XIRP1: variants seen among roughly 807,000 people sequenced by gnomAD.
The protein encoded by XIRP1 is xin actin binding repeat containing 1, also known as xin actin-binding repeat-containing protein 1.
For missense variants in XIRP1, 2,378 were observed against 2,345.4 expected, an observed-to-expected ratio of 1.01 and a Z score of -0.29; for synonymous variants, 984 against 947.0, an observed-to-expected ratio of 1.04 and a Z score of -0.72.
At position 39,186,918 on chromosome 3, in the gene XIRP1, T is replaced by C. The variant is rs1471768163; in HGVS notation, c.2528A>G (p.Gln843Arg). The C allele has an allele frequency of 6.2e-7, 1 of 1,614,022 alleles. No individual in the cohort carries two copies. Among genetic ancestry groups the C allele is most frequent in the Non-Finnish European group, 8.5e-7 (1 of 1,179,922 alleles). The change falls in exon 2 of 2, where the codon CAG becomes CGG. Residue 843 changes from glutamine to arginine, a missense_variant. Physicochemically the swap from Gln to Arg is conservative, Grantham distance 43 (BLOSUM62 1). Transcript: ENST00000340369. ...TGGGTCTTCCTGCACCAGCAGCCCCTGCTGGTCCACATCTGGCCGGCGCAG... is the reference window on the plus strand; with the variant it reads ...TGGGTCTTCCTGCACCAGCAGCCCCCGCTGGTCCACATCTGGCCGGCGCAG... ...QVLRRPDVDQQGLLVQEDPTG... is the reference protein window; with the variant it reads ...QVLRRPDVDQRGLLVQEDPTG...
intron 1 of XIRP1, 86 bp from the exon 2 acceptor site, chr3:39,189,611 G>C: frequency 9.2e-7 from 1 of 1,089,122 alleles, no homozygotes. Flanking sequence ...CTCTCTATGT[G>C]CCTGGCCTGG....
In XIRP1 at chr3:39,186,410, G is replaced by A. The variant is rs1327619309; in HGVS notation, c.3036C>T (p.Ala1012=). The change falls in exon 2 of 2, where the codon GCC becomes GCT. Residue 1012 remains alanine (A), a synonymous_variant. Coordinates refer to ENST00000340369, the MANE Select transcript of XIRP1 (RefSeq NM_194293.4). ...VPLAGEAAAP[A]QLQNTEKQED... ...CCTGCTTTTCTGTGTTTTGCAATTG[G>A]GCTGGTGCTGCAGCTTCCCCAGCCA... The A allele has an allele frequency of 1.2e-6, 2 of 1,614,052 alleles. No individual in the cohort carries two copies. The highest frequency in any genetic ancestry group is 2.7e-5 in the African/African-American group (2 of 74,932).
At position 39,187,388 on chromosome 3, in the gene XIRP1, C is replaced by T; in HGVS notation, c.2058G>A (p.Val686=). The T allele has an allele frequency of 6.2e-7, 1 of 1,614,164 alleles. No individual in the cohort carries two copies. The highest frequency in any genetic ancestry group is 8.5e-7 in the Non-Finnish European group (1 of 1,180,014). The part of the protein sequence containing the change: ...GRRPVRYCSR[V]EIPSGQVSRQ... The stretch of plus-strand genomic sequence containing the variant: ...GAGACACCTGCCCTGAAGGGATCTC[C>T]ACGCGGCTGCAGTATCTCACAGGCC... The change falls in exon 2 of 2, where the codon GTG becomes GTA. Residue 686 remains valine, a synonymous_variant. Coordinates refer to ENST00000340369, the MANE Select transcript of XIRP1 (RefSeq NM_194293.4).
In XIRP1 at chr3:39,185,229, G is replaced by A. The variant is rs142466469; in HGVS notation, c.4217C>T (p.Thr1406Met). ...QPSLQHGLST[T>M]APRPTKNQAT... is the part of the protein sequence containing the mutation. ...CTGATTCTTGGTGGGCCTGGGGGCC[G>A]TGGTGCTGAGGCCATGTTGTAAGCT... The change falls in exon 2 of 2, where the codon ACG becomes ATG. Residue 1406 changes from threonine to methionine, a missense_variant. Transcript: ENST00000340369. 1.0e-4 allele frequency: 163 copies of A among 1,614,156 alleles called. 3 individuals are homozygous for A. Among genetic ancestry groups the A allele is most frequent in the African/African-American group, 4.4e-4 (33 of 75,050 alleles).
In XIRP1 at chr3:39,186,879, T is replaced by C. The variant is rs751104961; in HGVS notation, c.2567A>G (p.Gln856Arg). Reference protein sequence around the residue: ...LVQEDPTGQLQLKPLRLPTPG... With the variant: ...LVQEDPTGQLRLKPLRLPTPG... Reference sequence around the variant, plus strand: ...AGTTGGCAGCCTCAGCGGCTTGAGTTGGAGCTGGCCAGTTGGGTCTTCCTG... The same window carrying C: ...AGTTGGCAGCCTCAGCGGCTTGAGTCGGAGCTGGCCAGTTGGGTCTTCCTG... Residue 856 changes from glutamine to arginine, a missense_variant, in exon 2 of 2, where the codon CAA (glutamine) becomes CGA (arginine). Coordinates refer to ENST00000340369, the MANE Select transcript of XIRP1 (RefSeq NM_194293.4). The C allele has an allele frequency of 1.3e-5, 21 of 1,613,788 alleles. No homozygotes were observed. The East Asian group carries it at 3.1e-4, about 24-fold the overall frequency.
At position 39,187,103 on chromosome 3, in the gene XIRP1, T is replaced by G; in HGVS notation, c.2343A>C (p.Thr781=). 1 of 1,613,590 alleles carries G rather than the reference T, an allele frequency of 6.2e-7. No individual in the cohort carries two copies. Among genetic ancestry groups the G allele is most frequent in the South Asian group, 1.1e-5 (1 of 91,076 alleles). Residue 781 remains threonine, a synonymous_variant, in exon 2 of 2, where the codon ACA becomes ACC. Transcript: ENST00000340369. ...TGCCTCCATGGTGCAGGATGCCAGG[T>G]GTGGCATGCAGAGTCCGCAGGGTCC... is the stretch of plus-strand genomic sequence containing the variant. ...AEGTLRTLHA[T]PGILHHGGIL... is the part of the protein sequence containing the mutation.
rs1368022502 is a variant in XIRP1 at position 39,184,517 on chromosome 3, G to T, written c.4929C>A (p.Ser1643=). The T allele has an allele frequency of 1.2e-6, 2 of 1,613,822 alleles. No individual in the cohort carries two copies. The highest frequency in any genetic ancestry group is 1.7e-6 in the Non-Finnish European group (2 of 1,180,044). Residue 1643 remains serine (S), a synonymous_variant, in exon 2 of 2, where the codon TCC becomes TCA. Coordinates refer to ENST00000340369, the MANE Select transcript of XIRP1 (RefSeq NM_194293.4). ...CTCTTGATGTCTCCTGCCTCCTGGT[G>T]GAAGGGGCAGTTGAGGCTGTGTGAC... ...ARGHTASTAP[S]TRRQETSREY...
rs778850551 is a variant in XIRP1 at position 39,189,089 on chromosome 3, C to G, written c.357G>C (p.Leu119=). 3 of 1,614,088 alleles carry G rather than the reference C, an allele frequency of 1.9e-6. No homozygotes were observed. In the African/African-American group the frequency reaches 4.0e-5, roughly 22 times the overall value. ...HERPAAKEPV[L]CGDVQATSRK... is the part of the protein sequence containing the mutation. ...GGGAGGTGGCCTGGACGTCACCACA[C>G]AGCACGGGCTCCTTGGCAGCTGGCC... Residue 119 remains leucine (L), a synonymous_variant, in exon 2 of 2, where the codon CTG becomes CTC. Transcript: ENST00000340369.
chr3:39,189,083 A>T lies in XIRP1; in HGVS notation c.363T>A (p.Gly121=). The T allele has an allele frequency of 6.2e-7, 1 of 1,614,120 alleles. No homozygotes were observed. Among genetic ancestry groups the T allele is most frequent in the African/African-American group, 1.3e-5 (1 of 75,042 alleles). The change falls in exon 2 of 2, where the codon GGT becomes GGA. Residue 121 remains glycine (G), a synonymous_variant. Transcript: ENST00000340369. ...RPAAKEPVLC[G]DVQATSRKFE... is the part of the protein sequence containing the mutation. ...ACTTGCGGGAGGTGGCCTGGACGTC[A>T]CCACACAGCACGGGCTCCTTGGCAG...
Position 39,183,818 on chromosome 3 carries a change from G to C in XIRP1, c.*96C>G. 1.4e-6 allele frequency: 2 copies of C among 1,456,760 alleles called. No homozygotes were observed. The highest frequency in any genetic ancestry group is 1.8e-6 in the Non-Finnish European group (2 of 1,104,718). 90.2% of individuals were successfully genotyped at this position (1,456,760 alleles called of 1,614,324 possible). ...CCTCTGAAGATGCCATTTCCTCTTG[G>C]TCCTTGCTCCAGTGTACAGGAGGCA... On this transcript the variant is annotated 3_prime_UTR_variant, in exon 2 of 2. Transcript: ENST00000340369.
In XIRP1 at chr3:39,183,736, AT is replaced by A; in HGVS notation, c.*177del. 4 of 1,115,360 alleles carry A rather than the reference AT, an allele frequency of 3.6e-6. No individual in the cohort carries two copies. The South Asian group carries it at 5.1e-5, about 14-fold the overall frequency. 69.1% of individuals were successfully genotyped at this position (1,115,360 alleles called of 1,614,324 possible). A position where few individuals can be genotyped will look rare whatever the true frequency, so the allele number is the denominator to read the frequency against. On this transcript the variant is annotated 3_prime_UTR_variant, in exon 2 of 2. Transcript: ENST00000340369. ...GCCTCTTCCAGACCTTTCTTTTTCCATTTGGAAGAACTGGGCCTATTGAAAG... is the reference window on the plus strand; with the variant it reads ...GCCTCTTCCAGACCTTTCTTTTTCCATTGGAAGAACTGGGCCTATTGAAAG...
In XIRP1 at chr3:39,186,737, G is replaced by A; in HGVS notation, c.2709C>T (p.Gly903=). Residue 903 remains glycine (G), a synonymous_variant, in exon 2 of 2, where the codon GGC becomes GGT. Transcript: ENST00000340369. ...GAGAGTAGGCAGTCAGTGCGACCAG[G>A]CCCTGCTCTGTCTCCTGCATCACCA... ...TGLVMQETEQ[G]LVALTAYSLQ... is the part of the protein sequence containing the mutation. 6.2e-7 allele frequency: 1 copy of A among 1,613,994 alleles called. No homozygotes were observed. Among genetic ancestry groups the A allele is most frequent in the Non-Finnish European group, 8.5e-7 (1 of 1,180,030 alleles).
At position 39,187,658 on chromosome 3, in the gene XIRP1, C is replaced by T. The variant is rs765596907; in HGVS notation, c.1788G>A (p.Trp596Ter). 3.8e-5 allele frequency: 61 copies of T among 1,613,960 alleles called. No homozygotes were observed. Among genetic ancestry groups the T allele is most frequent in the Non-Finnish European group, 4.7e-5 (56 of 1,180,042 alleles). ...PPKGDVQTIR[W>*]LFETCPMSEL... ...CACTCATTGGGCAAGTCTCGAACAA[C>T]CACCGGATGGTCTGCACATCGCCCT... Residue 596 changes from tryptophan to a stop codon, truncating the protein, a stop_gained, in exon 2 of 2, where the codon TGG (tryptophan) becomes TGA (stop). Coordinates refer to ENST00000340369, the MANE Select transcript of XIRP1 (RefSeq NM_194293.4). LOFTEE classifies it low-confidence loss of function (END_TRUNC).
In XIRP1 at chr3:39,188,988, A is replaced by G. The variant is rs147594237; in HGVS notation, c.458T>C (p.Val153Ala). The G allele has an allele frequency of 1.0e-4, 165 of 1,613,584 alleles. No individual in the cohort carries two copies. The highest frequency in any genetic ancestry group is 1.3e-4 in the Non-Finnish European group (152 of 1,179,988). The stretch of plus-strand genomic sequence containing the variant: ...CTCAAATAGCCAGCGGGCTGCACGA[A>G]CGTCTCCTCCACCTGGCTGGGGCCT... ...PTRPQPGGGDVRAARWLFETK... is the reference protein window; with the variant it reads ...PTRPQPGGGDARAARWLFETK... Residue 153 changes from valine (V) to alanine (A), a missense_variant, in exon 2 of 2, where the codon GTT (valine) becomes GCT (alanine). Transcript: ENST00000340369.
rs373725578 is a variant in XIRP1 at position 39,188,580 on chromosome 3, C to G, written c.866G>C (p.Arg289Pro). Residue 289 changes from arginine to proline, a missense_variant, in exon 2 of 2, where the codon CGG (arginine) becomes CCG (proline). Physicochemically the swap from Arg to Pro is moderately radical, Grantham distance 103. Coordinates refer to ENST00000340369, the MANE Select transcript of XIRP1 (RefSeq NM_194293.4). ...DAINQDPSQV[R>P]VIRGISLEEG... is the part of the protein sequence containing the mutation. ...CTCCAGGGAAATCCCCCGGATCACCCGCACCTGGCTGGGGTCCTGGTTGAT... is the reference window on the plus strand; with the variant it reads ...CTCCAGGGAAATCCCCCGGATCACCGGCACCTGGCTGGGGTCCTGGTTGAT... 11 of 1,613,470 alleles carry G rather than the reference C, an allele frequency of 6.8e-6. No homozygotes were observed. The highest frequency in any genetic ancestry group is 8.5e-6 in the Non-Finnish European group (10 of 1,179,698).
rs373538005 is a variant in XIRP1, at chr3:39,188,311, G to A, written c.1135C>T (p.Arg379Cys). The A allele has an allele frequency of 3.8e-5, 61 of 1,613,888 alleles. 1 individual carries two copies. The highest frequency in any genetic ancestry group is 3.3e-4 in the Middle Eastern group (2 of 6,082). ...GTTTCAAATAGCCACAGGGTGGAGC[G>A]GACATCACCAGGGACCACTTCCTCC... The part of the protein sequence containing the change: ...PKEEVVPGDV[R>C]STLWLFETKP... Residue 379 changes from arginine to cysteine, a missense_variant, in exon 2 of 2, where the codon CGC becomes TGC. Coordinates refer to ENST00000340369, the MANE Select transcript of XIRP1 (RefSeq NM_194293.4).
At position 39,185,795 on chromosome 3, in the gene XIRP1, C is replaced by T; in HGVS notation, c.3651G>A (p.Gly1217=). 6.2e-7 allele frequency: 1 copy of T among 1,612,846 alleles called. No homozygotes were observed. The highest frequency in any genetic ancestry group is 8.5e-7 in the Non-Finnish European group (1 of 1,179,408). The change falls in exon 2 of 2, where the codon GGG becomes GGA. Residue 1217 remains glycine, a synonymous_variant. Transcript: ENST00000340369. ...GGGTGGTCTCTGCAGCTTGGAGGCC[C>T]CCTGGGCAGACTTCTGCCATCGCCT... The part of the protein sequence containing the change: ...PGKAMAEVCP[G]GLQAAETTLK...
chr3:39,189,003 G>A lies in XIRP1; in HGVS notation c.443C>T (p.Pro148Leu). 6.2e-7 allele frequency: 1 copy of A among 1,613,966 alleles called. No homozygotes were observed. Among genetic ancestry groups the A allele is most frequent in the Non-Finnish European group, 8.5e-7 (1 of 1,180,056 alleles). ...GGCTGCACGAACGTCTCCTCCACCT[G>A]GCTGGGGCCTGGTTGGCTCCTGGTC... ...STDQEPTRPQ[P>L]GGGDVRAARW... Residue 148 changes from proline (P) to leucine (L), a missense_variant, in exon 2 of 2, where the codon CCA becomes CTA. Transcript: ENST00000340369.
In XIRP1 at chr3:39,186,982, GCTC is replaced by G; in HGVS notation, c.2461_2463del (p.Glu821del). ...ATCCTGGGAAGTTCACCTGACACCA[GCTC>G]CTCCTTTCGTATATAAGGGTGCCCC... On this transcript the variant is annotated inframe_deletion, in exon 2 of 2. Transcript: ENST00000340369. The G allele has an allele frequency of 6.2e-7, 1 of 1,605,396 alleles. No individual in the cohort carries two copies. Among genetic ancestry groups the G allele is most frequent in the East Asian group, 2.2e-5 (1 of 44,572 alleles).
Sources: allele counts gnomAD v4.1 joint callset, GRCh38; gene constraint gnomAD v4.1.1; transcripts MANE v1.5; gene names NCBI Gene and HGNC (gene_info 2026-07-23, HGNC 2026-07-21).